Variants in ARID4A observed in about 807,000 individuals in gnomAD.
ARID4A encodes AT-rich interactive domain-containing protein 4A.
In ARID4A, 39 loss-of-function variants were observed where a neutral mutation model predicts 148.6. The observed-to-expected ratio is 0.26, with a 90% CI of 0.20 to 0.34. The LOEUF (loss-of-function observed/expected upper bound fraction) is 0.34, where lower values mean the gene tolerates loss of function less well. Ranked by LOEUF, ARID4A falls within the 10% of genes least tolerant of loss-of-function variation. The pLI, the probability that ARID4A is intolerant of heterozygous loss-of-function variation, is 1.00. For missense variants in ARID4A, 1,265 were observed against 1,449.1 expected, an observed-to-expected ratio of 0.87 and a Z score of 2.06; for synonymous variants, 475 against 481.2, an observed-to-expected ratio of 0.99 and a Z score of 0.17.
intron 11 of ARID4A, among the ~76,000 whole-genome samples, chr14:58,335,417 A>C (rs375970179): frequency 4.0e-5 from 6 of 151,388 alleles, no homozygotes; most frequent in African/African-American, 1.5e-4. Flanking sequence ...GGGTTCAAGC[A>C]ATTCTCCTGC....
At position 58,330,044 on chromosome 14, in the gene ARID4A, C is replaced by G; in HGVS notation, c.781C>G (p.Pro261Ala). Residue 261 changes from proline (P) to alanine (A), a missense_variant, in exon 11 of 24, where the codon CCT (proline) becomes GCT (alanine). By Grantham distance (27) the Pro-to-Ala change is conservative (BLOSUM62 -1). Coordinates refer to ENST00000355431, the MANE Select transcript of ARID4A (RefSeq NM_002892.4). Reference sequence around the variant, plus strand: ...CATCTTCTTAAAAACTAGAGTTGTTCCTGATAATTGGAAAATGGATATAAG... The same window carrying G: ...CATCTTCTTAAAAACTAGAGTTGTTGCTGATAATTGGAAAATGGATATAAG... ...ASIFLKTRVV[P>A]DNWKMDISEI... 6.2e-7 allele frequency: 1 copy of G among 1,612,054 alleles called. No individual in the cohort carries two copies. The highest frequency in any genetic ancestry group is 8.5e-7 in the Non-Finnish European group (1 of 1,179,530).
At chr14:58,323,731 G>A in intron 8 of ARID4A, 114 bp downstream of exon 8, 1 of 913,118 alleles carries the variant, frequency 1.1e-6, no homozygotes, top group Non-Finnish European at 1.7e-6. Context: ...GGACTTTATT[G>A]GAGATTTTTT....
intron 12 of ARID4A, among the ~76,000 whole-genome samples, chr14:58,345,810 A>G (rs1260170896): frequency 7.7e-6 from 1 of 130,446 alleles, no homozygotes; most frequent in Non-Finnish European, 1.5e-5. Context: ...GGCTCCCTCC[A>G]GCCTCCACTT....
chr14:58,335,375 G>A (rs891560352), intron 11 of ARID4A, among the ~76,000 whole-genome samples: 5 of 149,676 alleles, frequency 3.3e-5, no homozygotes, highest in Non-Finnish European at 7.4e-5. Flanking sequence ...GTGCAATGGC[G>A]TGATCTCGGC....
In ARID4A at chr14:58,365,565, C is replaced by G. The variant is rs1203395203; in HGVS notation, c.3259C>G (p.Gln1087Glu). ...DGNSGLMAKKQKRTPKRTSAA... is the reference protein window; with the variant it reads ...DGNSGLMAKKEKRTPKRTSAA... The stretch of plus-strand genomic sequence containing the variant: ...AAATAGTGGATTAATGGCAAAAAAG[C>G]AAAAGCGTACCCCAAAGCGAACAAG... The change falls in exon 21 of 24, where the codon CAA (glutamine) becomes GAA (glutamate). Residue 1087 changes from glutamine (Q) to glutamate (E), a missense_variant. Gln to Glu is a conservative substitution (Grantham distance 29). Transcript: ENST00000355431. 8 of 1,582,632 alleles carry G rather than the reference C, an allele frequency of 5.1e-6. No homozygotes were observed. The highest frequency in any genetic ancestry group is 6.9e-6 in the Non-Finnish European group (8 of 1,166,216).
chr14:58,355,040 T>G (rs957371346), intron 17 of ARID4A, among the ~76,000 whole-genome samples: 2 of 152,246 alleles, frequency 1.3e-5, no homozygotes, highest in African/African-American at 4.8e-5. Flanking sequence ...GGCCTAGCTA[T>G]GAGTGCCAGA....
chr14:58,370,984 T>C (rs1464005762), intron 23 of ARID4A, among the ~76,000 whole-genome samples: 11 of 152,178 alleles, frequency 7.2e-5, no homozygotes, highest in Admixed American at 7.2e-4. Context: ...TTGAGTGATT[T>C]GTAGCATACA....
intron 23 of ARID4A, among the ~76,000 whole-genome samples, chr14:58,369,032 A>G (rs1316832399): frequency 6.6e-6 from 1 of 152,216 alleles, no homozygotes; most frequent in East Asian, 1.9e-4. Context: ...TTAAAATATG[A>G]TAGCAGGAAT....
At chr14:58,329,694 A>G (rs1008321511) in intron 10 of ARID4A, 90 bp downstream of exon 10, 9 of 1,154,114 alleles carry the variant, frequency 7.8e-6, no homozygotes, top group African/African-American at 7.7e-5. Flanking sequence ...CTCTGGTACC[A>G]CCATTTTAAC....
At chr14:58,368,393 A>T (rs981848828) in intron 23 of ARID4A, among the ~76,000 whole-genome samples, 6 of 152,204 alleles carry the variant, frequency 3.9e-5, no homozygotes, top group African/African-American at 1.4e-4. Flanking sequence ...GATCCTTGCC[A>T]ATCACTACAT....
At position 58,299,802 on chromosome 14, in the gene ARID4A, A is replaced by G. The variant is rs2030978187; in HGVS notation, c.-53A>G. The G allele has an allele frequency of 5.6e-6, 9 of 1,613,768 alleles. No homozygotes were observed. The highest frequency in any genetic ancestry group is 7.6e-6 in the Non-Finnish European group (9 of 1,179,810). ...TGTCTTTCCCCCTCCCCATAGTTCT[A>G]GCGACTGCGAAGATAGCTCGCTGAG... On this transcript the variant is annotated 5_prime_UTR_variant, in exon 2 of 24. Coordinates refer to ENST00000355431, the MANE Select transcript of ARID4A (RefSeq NM_002892.4).
At chr14:58,348,156 T>C (rs1046199071) in intron 15 of ARID4A, among the ~76,000 whole-genome samples, 52 of 152,196 alleles carry the variant, frequency 3.4e-4, no homozygotes, top group African/African-American at 1.2e-3. Flanking sequence ...TATCACCTCA[T>C]TGAAGGCTGT....
intron 7 of ARID4A, 32 bp from the exon 8 acceptor site, chr14:58,323,453 T>G: frequency 6.3e-7 from 1 of 1,590,622 alleles, no homozygotes; most frequent in Non-Finnish European, 8.6e-7. Context: ...TTGTTTGTGT[T>G]AGGATAATGA....
rs142443997 is a variant in ARID4A, at chr14:58,361,001, C to T, written c.2039C>T (p.Pro680Leu). The T allele has an allele frequency of 9.4e-5, 152 of 1,613,874 alleles. No homozygotes were observed. The highest frequency in any genetic ancestry group is 1.3e-4 in the Admixed American group (8 of 59,992). Residue 680 changes from proline to leucine, a missense_variant, in exon 19 of 24, where the codon CCG becomes CTG. Physicochemically the swap from Pro to Leu is moderately conservative, Grantham distance 98 (BLOSUM62 -3). Around this residue, in one of 9 missense-constraint regions of ARID4A, gnomAD observed 666 missense variants for 730.9 expected, o/e 0.91. Coordinates refer to ENST00000355431, the MANE Select transcript of ARID4A (RefSeq NM_002892.4). The stretch of plus-strand genomic sequence containing the variant: ...AAATCAACCCTCTCATCAAACATGC[C>T]GTATGGCTTATCTAAGACAGCAAAC... ...PLKSTLSSNM[P>L]YGLSKTANSE...
chr14:58,339,122 C>T (rs2033981388), intron 11 of ARID4A, among the ~76,000 whole-genome samples: 1 of 151,596 alleles, frequency 6.6e-6, no homozygotes, highest in Non-Finnish European at 1.5e-5. Context: ...AGGCATGCAC[C>T]ACCATGCCCG....
chr14:58,322,088 A>T (rs1347007230), intron 7 of ARID4A, among the ~76,000 whole-genome samples: 1 of 151,876 alleles, frequency 6.6e-6, no homozygotes, highest in East Asian at 1.9e-4. Flanking sequence ...CTCGTGCCTC[A>T]GCCTCTCGAG....
At chr14:58,371,084 G>C (rs771803663) in intron 23 of ARID4A, among the ~76,000 whole-genome samples, 110 of 152,234 alleles carry the variant, frequency 7.2e-4, no homozygotes, top group South Asian at 8.3e-4. Context: ...GAGTCCAGGT[G>C]TTTGAGACCA....
intron 9 of ARID4A, among the ~76,000 whole-genome samples, chr14:58,329,043 G>A (rs1226023226): frequency 4.0e-5 from 6 of 151,398 alleles, no homozygotes; most frequent in Non-Finnish European, 7.4e-5. Context: ...CCTCATCTCT[G>A]CTTTGTGATC....
chr14:58,351,065 T>C lies in ARID4A; in HGVS notation c.1405-8T>C, dbSNP rs959637203. ...TAGCTATTTTAAAGCTTTTATCCCC[T>C]CTACTAGGGACGAAGGAGAATTGCT... On this transcript the variant is annotated splice_polypyrimidine_tract_variant and splice_region_variant and intron_variant, in intron 15 of 23. Coordinates refer to ENST00000355431, the MANE Select transcript of ARID4A (RefSeq NM_002892.4). 1.3e-5 allele frequency: 20 copies of C among 1,581,852 alleles called. No individual in the cohort carries two copies. The African/African-American group carries it at 1.4e-4, about 11-fold the overall frequency.
Sources: gnomAD v4.1 joint callset for allele counts (sites outside exome capture counted in the v4.1 genomes callset) on GRCh38, gnomAD v4.1.1 for gene constraint, gnomAD v4.1.1 regional missense constraint, MANE v1.5 for transcripts, NCBI Gene and HGNC (gene_info 2026-07-23, HGNC 2026-07-21) for gene names.